Variants in SV2C observed in about 807,000 individuals in gnomAD.
The protein encoded by SV2C is synaptic vesicle glycoprotein 2C, also known as solute carrier family 22 member B3.
A neutral mutation model predicts 79.7 loss-of-function variants in SV2C; 49 were observed. The ratio of observed to expected loss-of-function variants is 0.61; its 90% CI spans 0.49 to 0.78. SV2C has a LOEUF of 0.78. Among genes scored for constraint, SV2C ranks in the 30% least tolerant of loss-of-function variants. The pLI is 0.00. For missense variants in SV2C, 833 were observed against 912.9 expected, an observed-to-expected ratio of 0.91 and a Z score of 1.13; for synonymous variants, 334 against 333.2, an observed-to-expected ratio of 1.00 and a Z score of -0.03.
the SV2C span, among the ~76,000 whole-genome samples, chr5:76,003,186 A>C: frequency 6.6e-6 from 1 of 152,252 alleles, no homozygotes; most frequent in African/African-American, 2.4e-5. Context: ...AGGCCTCCCC[A>C]GCCATGCAGA....
the SV2C span, among the ~76,000 whole-genome samples, chr5:75,873,003 C>T: frequency 7.2e-5 from 11 of 152,026 alleles, 1 homozygote; most frequent in South Asian, 4.1e-4. Context: ...CTCTAGGTAA[C>T]GCCTTTTAAA....
At chr5:75,919,716 G>C in the SV2C span, among the ~76,000 whole-genome samples, 1 of 152,200 alleles carries the variant, frequency 6.6e-6, no homozygotes, top group Admixed American at 6.5e-5. Flanking sequence ...AGGCTTTGTT[G>C]ATGTTCTTTC....
the SV2C span, among the ~76,000 whole-genome samples, chr5:76,061,561 G>A: frequency 2.0e-5 from 3 of 152,172 alleles, no homozygotes; most frequent in South Asian, 6.2e-4. Flanking sequence ...GTCAGATAAA[G>A]ATAAAATTCT....
At chr5:76,104,757 C>T (rs1274111881) in intron 1 of SV2C, among the ~76,000 whole-genome samples, 1 of 152,146 alleles carries the variant, frequency 6.6e-6, no homozygotes, top group Non-Finnish European at 1.5e-5. Context: ...ATAGGAGACA[C>T]TAGAGGGAGA....
the SV2C span, among the ~76,000 whole-genome samples, chr5:75,852,437 G>A: frequency 0.02 from 3,106 of 152,216 alleles, 105 homozygotes; most frequent in African/African-American, 0.071. Flanking sequence ...TGTAACACAT[G>A]CAGACGAGAA....
At chr5:75,982,679 C>T in the SV2C span, among the ~76,000 whole-genome samples, 2 of 152,260 alleles carry the variant, frequency 1.3e-5, no homozygotes, top group East Asian at 3.9e-4. Context: ...TTTATTGTAG[C>T]ACTATTCACA....
At chr5:75,921,548 G>T in the SV2C span, 1 of 845,530 alleles carries the variant, frequency 1.2e-6, no homozygotes, top group Non-Finnish European at 2.1e-6. Context: ...TGAAGGCATG[G>T]TCTTGGGGTT....
At chr5:76,205,568 T>C (rs1050919346) in intron 3 of SV2C, among the ~76,000 whole-genome samples, 8 of 152,272 alleles carry the variant, frequency 5.3e-5, no homozygotes, top group Middle Eastern at 3.4e-3. Context: ...AAATGTTCCA[T>C]TAAATATAAC....
chr5:76,318,906 G>T (rs1019588607), intron 12 of SV2C, among the ~76,000 whole-genome samples: 4 of 152,194 alleles, frequency 2.6e-5, no homozygotes, highest in African/African-American at 9.7e-5. Context: ...GCAAGTCAGG[G>T]TTCTGCAAGC....
intron 2 of SV2C, among the ~76,000 whole-genome samples, chr5:76,150,855 G>C (rs1445839085): frequency 1.3e-5 from 2 of 151,324 alleles, no homozygotes; most frequent in Non-Finnish European, 2.9e-5. Context: ...GTCCATGTTG[G>C]TCTTGAACTC....
the SV2C span, among the ~76,000 whole-genome samples, chr5:75,927,192 C>T: frequency 3.9e-5 from 6 of 152,044 alleles, no homozygotes; most frequent in Admixed American, 3.9e-4. Context: ...GTGTTCCCTA[C>T]CCTATGTTCA....
At chr5:76,222,584 A>G (rs867770626) in intron 4 of SV2C, among the ~76,000 whole-genome samples, 1 of 152,232 alleles carries the variant, frequency 6.6e-6, no homozygotes, top group Non-Finnish European at 1.5e-5. Context: ...AAACAGAACT[A>G]TATACACACA....
At chr5:76,153,224 T>A (rs1167894788) in intron 2 of SV2C, among the ~76,000 whole-genome samples, 1 of 152,188 alleles carries the variant, frequency 6.6e-6, no homozygotes, top group Non-Finnish European at 1.5e-5. Context: ...CTGAGCTTCC[T>A]CTCATCTTAG....
At chr5:76,062,882 A>C in the SV2C span, among the ~76,000 whole-genome samples, 3 of 152,192 alleles carry the variant, frequency 2.0e-5, no homozygotes, top group Non-Finnish European at 4.4e-5. Flanking sequence ...AGAATAAAGC[A>C]ATACCTCTTT....
chr5:75,982,093 G>A, the SV2C span, among the ~76,000 whole-genome samples: 2 of 108,572 alleles, frequency 1.8e-5, no homozygotes, highest in Non-Finnish European at 3.6e-5. Flanking sequence ...GGTGGGGGGA[G>A]GGGGGAGGGA....
intron 8 of SV2C, among the ~76,000 whole-genome samples, chr5:76,292,920 GAACTCAGTACC>G (rs1747612245): frequency 6.6e-6 from 1 of 152,134 alleles, no homozygotes; most frequent in Non-Finnish European, 1.5e-5. Context: ...AGGTCAGCAG[GAACTCAGTACC>G]TTATAGAACC....
intron 4 of SV2C, among the ~76,000 whole-genome samples, chr5:76,243,426 A>C (rs562324336): frequency 2.6e-5 from 4 of 152,306 alleles, no homozygotes; most frequent in Admixed American, 2.0e-4. Context: ...AGCTGGGAGC[A>C]CAGAGGCAGT....
intron 10 of SV2C, 63 bp downstream of exon 10, chr5:76,298,990 CATGTGATA>C: frequency 6.4e-7 from 1 of 1,564,670 alleles, no homozygotes; most frequent in Non-Finnish European, 8.7e-7. Flanking sequence ...CTGTGATAAC[CATGTGATA>C]ATGTGGGCAG....
chr5:75,960,377 A>C, the SV2C span, among the ~76,000 whole-genome samples: 1 of 152,010 alleles, frequency 6.6e-6, no homozygotes, highest in Non-Finnish European at 1.5e-5. Flanking sequence ...TGGTGGTCTC[A>C]TAAGATTATA....
Sources: gnomAD v4.1 joint callset for allele counts (sites outside exome capture counted in the v4.1 genomes callset) on GRCh38, gnomAD v4.1.1 for gene constraint, MANE v1.5 for transcripts, NCBI Gene and HGNC (gene_info 2026-07-23, HGNC 2026-07-21) for gene names.